Variants in WTAP observed in about 807,000 individuals in gnomAD.
WTAP encodes the protein pre-mRNA-splicing regulator WTAP.
Under a neutral mutation model 50.0 loss-of-function variants are expected in WTAP, and 8 were observed. The ratio of observed to expected loss-of-function variants is 0.16; its 90% CI spans 0.09 to 0.29. The LOEUF (loss-of-function observed/expected upper bound fraction) is 0.29, where lower values mean the gene tolerates loss of function less well. Ranked by LOEUF, WTAP falls within the 10% of genes least tolerant of loss-of-function variation. The pLI is 1.00. For synonymous variants in WTAP, 194 were observed against 169.0 expected (o/e 1.15, Z -1.15); for missense variants, 295 against 470.7 (o/e 0.63, Z 3.45).
chr6:159,732,410 T>C (rs1778628864), intron 1 of WTAP, among the ~76,000 whole-genome samples: 1 of 152,246 alleles, frequency 6.6e-6, no homozygotes, highest in African/African-American at 2.4e-5. Flanking sequence ...TCTACCACAG[T>C]ACCTGTTACG....
intron 3 of WTAP, 54 bp downstream of exon 3, chr6:159,739,099 ACT>A (rs1284219724): frequency 7.4e-7 from 1 of 1,357,564 alleles, no homozygotes; most frequent in Non-Finnish European, 1.0e-6. Context: ...TTATATTGTG[ACT>A]CTACACTGTA....
At chr6:159,727,446 C>G (rs1422440097), upstream of WTAP, 13 of 919,232 alleles carry the variant, frequency 1.4e-5, no homozygotes, top group African/African-American at 2.9e-5. Flanking sequence ...GGCTGTGGGG[C>G]GGGGCAGGGC....
chr6:159,752,478 A>G lies in WTAP; in HGVS notation c.453-982A>G, dbSNP rs142738275. Among the ~76,000 whole-genome samples, 10 of 152,352 alleles carry G rather than the reference A, an allele frequency of 6.6e-5. No individual in the cohort carries two copies. In the East Asian group the frequency reaches 7.7e-4, roughly 12 times the overall value. ...TTGAGCTTTTCATTACATATTTGCA[A>G]TTGCTATGTATGTGCACATAGGTTC... is the stretch of plus-strand genomic sequence containing the variant. On this transcript the variant is annotated intron_variant, in intron 6 of 7. Transcript: ENST00000621533.
intron 3 of WTAP, 165 bp from the exon 4 acceptor site, chr6:159,741,923 G>A: frequency 1.8e-6 from 1 of 541,602 alleles, no homozygotes; most frequent in Non-Finnish European, 3.2e-6. Context: ...CTGCACTCCA[G>A]CCTGGGGGAC....
intron 1 of WTAP, among the ~76,000 whole-genome samples, chr6:159,729,884 T>C (rs941869452): frequency 3.9e-5 from 6 of 152,294 alleles, no homozygotes; most frequent in Admixed American, 2.6e-4. Context: ...TACCTAACTT[T>C]ATGATGCTAA....
At chr6:159,738,189 A>G (rs6925350) in intron 2 of WTAP, among the ~76,000 whole-genome samples, 30,242 of 152,196 alleles carry the variant, frequency 0.2, 3,149 homozygotes, top group East Asian at 0.4. Flanking sequence ...ACATATCTGA[A>G]CTATCACCAT....
chr6:159,728,425 C>T (rs1001439910), intron 1 of WTAP, among the ~76,000 whole-genome samples: 2 of 132,002 alleles, frequency 1.5e-5, no homozygotes, highest in African/African-American at 6.6e-5. Context: ...AAAAACAAAA[C>T]AAAACAAAAA....
intron 6 of WTAP, among the ~76,000 whole-genome samples, chr6:159,751,780 A>T (rs1779829470): frequency 6.6e-6 from 1 of 152,222 alleles, no homozygotes; most frequent in Non-Finnish European, 1.5e-5. Context: ...GAAAACATGC[A>T]GCCAGGCACG....
At position 159,748,693 on chromosome 6, in the gene WTAP, G is replaced by A; in HGVS notation, c.452+324G>A. 1 of 1,252,160 alleles carries A rather than the reference G, an allele frequency of 8.0e-7. No individual in the cohort carries two copies. 77.6% of individuals were successfully genotyped at this position (1,252,160 alleles called of 1,614,324 possible). A position where few individuals can be genotyped will look rare whatever the true frequency, so the allele number is the denominator to read the frequency against. On this transcript the variant is annotated intron_variant, in intron 6 of 7. Transcript: ENST00000621533. This position sits in a 1 kb window ranked among gnomAD's most constrained non-coding sequence, Gnocchi z 5.6. ...GAAATGTTTCTGTTTGAAGAAAATA[G>A]AGGGAGAAACAGAAGTCTTAAGTCT...
chr6:159,746,534 A>G (rs1562463503), intron 5 of WTAP, among the ~76,000 whole-genome samples: 1 of 152,124 alleles, frequency 6.6e-6, no homozygotes, highest in Non-Finnish European at 1.5e-5. Context: ...TCTTTTAATA[A>G]TAATGCTTTA....
intron 4 of WTAP, among the ~76,000 whole-genome samples, 172 bp from the exon 5 acceptor site, chr6:159,743,493 T>C (rs992897020): frequency 3.9e-5 from 6 of 152,258 alleles, no homozygotes; most frequent in Admixed American, 3.9e-4. Context: ...ATGACACCAT[T>C]GTCTCCTAAA....
chr6:159,740,181 T>C (rs191717335), intron 3 of WTAP, among the ~76,000 whole-genome samples: 17 of 152,188 alleles, frequency 1.1e-4, no homozygotes, highest in Non-Finnish European at 2.4e-4. Flanking sequence ...CATTGTATAC[T>C]TTTTTTAATG....
chr6:159,749,690 T>A (rs1293831571), intron 6 of WTAP, among the ~76,000 whole-genome samples: 4 of 152,168 alleles, frequency 2.6e-5, no homozygotes, highest in Non-Finnish European at 5.9e-5. Context: ...CTTCACAGGG[T>A]GTCTGCCAGA....
In WTAP at chr6:159,748,386, C is replaced by T. The variant is rs776717396; in HGVS notation, c.452+17C>T. Reference sequence around the variant, plus strand: ...GCCTGATAGGTAAACAAATCATACTCCCCAGTCAAGACTTCCCTGACAGTC... The same window carrying T: ...GCCTGATAGGTAAACAAATCATACTTCCCAGTCAAGACTTCCCTGACAGTC... On this transcript the variant is annotated intron_variant, in intron 6 of 7. Coordinates refer to ENST00000621533, the MANE Select transcript of WTAP (RefSeq NM_001270531.2). The surrounding 1 kb of genome is among the most constrained non-coding windows in gnomAD (Gnocchi z 5.6). The T allele has an allele frequency of 1.2e-6, 2 of 1,612,756 alleles. No individual in the cohort carries two copies. Among genetic ancestry groups the T allele is most frequent in the South Asian group, 1.1e-5 (1 of 91,016 alleles).
In WTAP at chr6:159,755,690, T is replaced by G; in HGVS notation, c.*79T>G. The stretch of plus-strand genomic sequence containing the variant: ...TCCAGAAAATTAATGCATACTTTTG[T>G]CACAATTTGCCTTTTTGTGGGTGTA... On this transcript the variant is annotated 3_prime_UTR_variant, in exon 8 of 8. Coordinates refer to ENST00000621533, the MANE Select transcript of WTAP (RefSeq NM_001270531.2). The G allele has an allele frequency of 7.5e-7, 1 of 1,328,332 alleles. No homozygotes were observed. Among genetic ancestry groups the G allele is most frequent in the Non-Finnish European group, 9.6e-7 (1 of 1,040,518 alleles). 82.3% of individuals were successfully genotyped at this position (1,328,332 alleles called of 1,614,324 possible). A position where few individuals can be genotyped will look rare whatever the true frequency, so the allele number is the denominator to read the frequency against.
At chr6:159,738,415 T>C (rs1285311628) in intron 2 of WTAP, among the ~76,000 whole-genome samples, 1 of 152,236 alleles carries the variant, frequency 6.6e-6, no homozygotes, top group Non-Finnish European at 1.5e-5. Context: ...CATGTATCAG[T>C]AGTCCTGTTT....
intron 7 of WTAP, 41 bp downstream of exon 7, chr6:159,753,655 G>C: frequency 6.4e-7 from 1 of 1,565,496 alleles, no homozygotes; most frequent in Non-Finnish European, 8.6e-7. Context: ...TCTCAACTTT[G>C]CATTGGCTTT....
At chr6:159,742,196 G>A in intron 4 of WTAP, 50 bp downstream of exon 4, 1 of 1,413,094 alleles carries the variant, frequency 7.1e-7, no homozygotes, top group Non-Finnish European at 9.8e-7. Flanking sequence ...CCTTTTGATT[G>A]TTAAAATCAA....
At chr6:159,753,305 A>G in intron 6 of WTAP, 155 bp from the exon 7 acceptor site, 1 of 1,094,450 alleles carries the variant, frequency 9.1e-7, no homozygotes. Flanking sequence ...AATGCAGAAG[A>G]TGGATGTGTC....
Sources: gnomAD v4.1 joint callset for allele counts (sites outside exome capture counted in the v4.1 genomes callset) on GRCh38, gnomAD v4.1.1 for gene constraint, Gnocchi (gnomAD v3.1) non-coding constraint, MANE v1.5 for transcripts, NCBI Gene and HGNC (gene_info 2026-07-23, HGNC 2026-07-21) for gene names.